SEMA3C: variants seen among roughly 807,000 people sequenced by gnomAD.
SEMA3C encodes semaphorin-3C.
In SEMA3C, 47 loss-of-function variants were observed where a neutral mutation model predicts 89.4. That is an observed-to-expected ratio of 0.53 (90% CI 0.42 to 0.67). The LOEUF is 0.67. SEMA3C is among the 30% of genes least tolerant of loss of function. SEMA3C has a pLI of 0.00. For missense variants in SEMA3C, 839 were observed against 929.1 expected (o/e 0.90, Z 1.26); for synonymous variants, 310 against 320.2 (o/e 0.97, Z 0.34).
chr7:80,765,418 AAC>A (rs1788276026), intron 12 of SEMA3C, among the ~76,000 whole-genome samples, 175 bp from the exon 13 acceptor site: 1 of 152,176 alleles, frequency 6.6e-6, no homozygotes, highest in Admixed American at 6.5e-5. Context: ...TAAAAATTGA[AAC>A]ACATACAATT....
intron 17 of SEMA3C, 74 bp from the exon 18 acceptor site, chr7:80,745,381 A>G: frequency 7.2e-7 from 1 of 1,386,176 alleles, no homozygotes; most frequent in Non-Finnish European, 1.0e-6. Context: ...CATACACAGA[A>G]TAGTCTCAAC....
At chr7:80,872,923 G>GGA (rs1032020290) in intron 2 of SEMA3C, among the ~76,000 whole-genome samples, 9 of 79,642 alleles carry the variant, frequency 1.1e-4, no homozygotes, top group Admixed American at 1.5e-4. Flanking sequence ...GAATGAGAGT[G>GGA]AAAAAAAAAA....
intron 11 of SEMA3C, 150 bp downstream of exon 11, chr7:80,797,942 G>T: frequency 1.5e-6 from 1 of 668,202 alleles, no homozygotes; most frequent in Admixed American, 4.0e-5. Context: ...AGGGTGAGGT[G>T]AGCTGAGATT....
chr7:80,769,826 TCCAGCCTGGGGG>T (rs1413939420), intron 12 of SEMA3C, among the ~76,000 whole-genome samples: 1 of 114,662 alleles, frequency 8.7e-6, no homozygotes, highest in African/African-American at 3.5e-5. Flanking sequence ...GTCACTGCAC[TCCAGCCTGGGGG>T]ATAGAGCAAG....
At chr7:80,865,514 G>A (rs1284945459) in intron 2 of SEMA3C, among the ~76,000 whole-genome samples, 1 of 152,080 alleles carries the variant, frequency 6.6e-6, no homozygotes, top group Non-Finnish European at 1.5e-5. Flanking sequence ...AAGTCCGGGT[G>A]CGGTGGCTCA....
chr7:80,850,599 C>T (rs527872194), intron 2 of SEMA3C, among the ~76,000 whole-genome samples: 2 of 152,076 alleles, frequency 1.3e-5, no homozygotes, highest in East Asian at 3.9e-4. Flanking sequence ...TGGTTATATT[C>T]AGGGAGAAGG....
chr7:80,767,162 C>T (rs575076381), intron 12 of SEMA3C, among the ~76,000 whole-genome samples: 4 of 152,172 alleles, frequency 2.6e-5, no homozygotes, highest in Non-Finnish European at 5.9e-5. Flanking sequence ...GTCTCTCACT[C>T]CGCCTTAGGC....
intron 2 of SEMA3C, among the ~76,000 whole-genome samples, chr7:80,858,208 A>G (rs1790686826): frequency 1.3e-5 from 2 of 152,148 alleles, no homozygotes; most frequent in Admixed American, 6.6e-5. Context: ...TTTTACAAAA[A>G]CAGGTACTCT....
intron 2 of SEMA3C, among the ~76,000 whole-genome samples, chr7:80,869,203 T>C (rs1201416125): frequency 6.6e-6 from 1 of 152,180 alleles, no homozygotes; most frequent in Non-Finnish European, 1.5e-5. Context: ...ACACACAGAT[T>C]TGGCAGTGCT....
intron 4 of SEMA3C, 70 bp from the exon 5 acceptor site, chr7:80,818,488 A>C: frequency 6.6e-7 from 1 of 1,523,092 alleles, no homozygotes; most frequent in Non-Finnish European, 9.0e-7. Flanking sequence ...AGCTATGTTA[A>C]CCTGAGATCT....
At chr7:80,812,808 A>T (rs891400101) in intron 5 of SEMA3C, among the ~76,000 whole-genome samples, 1 of 151,964 alleles carries the variant, frequency 6.6e-6, no homozygotes, top group Admixed American at 6.6e-5. Context: ...TCTTTTAAAG[A>T]CAGGGTCTAG....
chr7:80,886,038 T>C (rs575390391), intron 2 of SEMA3C, among the ~76,000 whole-genome samples: 35 of 152,340 alleles, frequency 2.3e-4, no homozygotes, highest in African/African-American at 8.2e-4. Flanking sequence ...GCTGTGTTTT[T>C]TGTAAGATTC....
chr7:80,861,246 T>A (rs1490564263), intron 2 of SEMA3C, among the ~76,000 whole-genome samples: 1 of 152,190 alleles, frequency 6.6e-6, no homozygotes, highest in Non-Finnish European at 1.5e-5. Flanking sequence ...ATATTTTTTA[T>A]ACATATAGAG....
chr7:80,793,349 C>T (rs1016957801), intron 11 of SEMA3C: 6 of 248,430 alleles, frequency 2.4e-5, no homozygotes, highest in East Asian at 1.3e-4. Context: ...TTAATCTTCA[C>T]GTCCATTAGG....
intron 11 of SEMA3C, among the ~76,000 whole-genome samples, chr7:80,796,785 A>T (rs534270332): frequency 6.6e-6 from 1 of 152,336 alleles, no homozygotes; most frequent in East Asian, 1.9e-4. Context: ...CAATTGTTCC[A>T]CACAAAATAC....
Position 80,886,850 on chromosome 7 carries a change from T to C in SEMA3C, c.103+29829A>G, listed in dbSNP as rs180743157. Among the ~76,000 whole-genome samples, 43 of 152,292 alleles carry C rather than the reference T, an allele frequency of 2.8e-4. No homozygotes were observed. The Middle Eastern group carries it at 0.014, about 48-fold the overall frequency. On this transcript the variant is annotated intron_variant, in intron 2 of 17. Coordinates refer to ENST00000265361, the MANE Select transcript of SEMA3C (RefSeq NM_006379.5). ...ATTATGAATAATATGACCGAATATA[T>C]GTAGTTAATAATCTCACCAAGTCTA...
intron 10 of SEMA3C, among the ~76,000 whole-genome samples, chr7:80,798,874 T>C (rs1583887859): frequency 6.6e-6 from 1 of 152,200 alleles, no homozygotes; most frequent in Admixed American, 6.5e-5. Context: ...CTATGGCAGG[T>C]TGGCTGAAAT....
Position 80,818,328 on chromosome 7 carries a change from T to A in SEMA3C, c.418A>T (p.Thr140Ser). Residue 140 changes from threonine (T) to serine (S), a missense_variant, in exon 5 of 18, where the codon ACT becomes TCT. By Grantham distance (58) the Thr-to-Ser change is moderately conservative (BLOSUM62 1). Transcript: ENST00000265361. Reference sequence around the variant, plus strand: ...GATCTCCTCCCTCTGTTCAAGTAAGTACAGACAGGACTGAAAGCGCCACTC... The same window carrying A: ...GATCTCCTCCCTCTGTTCAAGTAAGAACAGACAGGACTGAAAGCGCCACTC... ...CGSGAFSPVCTYLNRGRRSED... is the reference protein window; with the variant it reads ...CGSGAFSPVCSYLNRGRRSED... The A allele has an allele frequency of 6.2e-7, 1 of 1,613,106 alleles. No individual in the cohort carries two copies. Among genetic ancestry groups the A allele is most frequent in the South Asian group, 1.1e-5 (1 of 91,016 alleles).
intron 2 of SEMA3C, among the ~76,000 whole-genome samples, chr7:80,889,958 T>A (rs913173461): frequency 6.6e-6 from 1 of 152,198 alleles, no homozygotes; most frequent in African/African-American, 2.4e-5. Flanking sequence ...GCTTGTTTGA[T>A]ATGTAGTCTA....
Sources: gnomAD v4.1 joint callset for allele counts (sites outside exome capture counted in the v4.1 genomes callset) on GRCh38, gnomAD v4.1.1 for gene constraint, MANE v1.5 for transcripts, NCBI Gene and HGNC (gene_info 2026-07-23, HGNC 2026-07-21) for gene names.